Variants in AUTS2 observed in about 807,000 individuals in gnomAD.
AUTS2 encodes activator of transcription and developmental regulator AUTS2.
AUTS2 carries 17 observed loss-of-function variants against 112.4 expected under a neutral mutation model. The ratio of observed to expected loss-of-function variants is 0.15; its 90% CI spans 0.10 to 0.23. AUTS2 has a LOEUF of 0.23. Ranked by LOEUF, AUTS2 falls within the 10% of genes least tolerant of loss-of-function variation. AUTS2 has a pLI of 1.00. For missense variants in AUTS2, 1,510 were observed against 1,701.6 expected, an observed-to-expected ratio of 0.89 and a Z score of 1.98; for synonymous variants, 751 against 702.7, an observed-to-expected ratio of 1.07 and a Z score of -1.09.
chr7:70,010,185 G>T (rs929459804), intron 2 of AUTS2, among the ~76,000 whole-genome samples: 9 of 151,816 alleles, frequency 5.9e-5, no homozygotes, highest in Admixed American at 2.0e-4. Context: ...TCATTCTGTT[G>T]CCCAAACTGG....
chr7:70,431,623 A>G (rs1165978447), intron 4 of AUTS2, among the ~76,000 whole-genome samples: 1 of 152,106 alleles, frequency 6.6e-6, no homozygotes, highest in Non-Finnish European at 1.5e-5. Context: ...TGACCTCATG[A>G]TCCACCCGCC....
chr7:70,236,773 T>C (rs1420060111), intron 4 of AUTS2, among the ~76,000 whole-genome samples: 1 of 152,222 alleles, frequency 6.6e-6, no homozygotes, highest in Non-Finnish European at 1.5e-5. Context: ...TTATTTTCTC[T>C]GTCCAGTACA....
At chr7:70,621,539 A>T (rs557676930) in intron 5 of AUTS2, among the ~76,000 whole-genome samples, 218 of 152,308 alleles carry the variant, frequency 1.4e-3, no homozygotes, top group African/African-American at 5.1e-3. Context: ...AGTCACAGAC[A>T]TTTTAGTTTT....
intron 4 of AUTS2, among the ~76,000 whole-genome samples, chr7:70,320,047 C>G (rs1464552408): frequency 7.2e-5 from 11 of 152,204 alleles, no homozygotes; most frequent in Admixed American, 7.2e-4. Context: ...ATTATTCAAC[C>G]TCTACATTGC....
At chr7:70,349,774 A>G (rs1178219056) in intron 4 of AUTS2, among the ~76,000 whole-genome samples, 1 of 152,198 alleles carries the variant, frequency 6.6e-6, no homozygotes, top group African/African-American at 2.4e-5. Flanking sequence ...GAATTTAAGA[A>G]AGAGTTGATT....
chr7:70,666,480 G>C (rs1180896566), intron 5 of AUTS2, among the ~76,000 whole-genome samples: 1 of 152,166 alleles, frequency 6.6e-6, no homozygotes, highest in Admixed American at 6.5e-5. Flanking sequence ...GGAAGAAGGC[G>C]ACAGTTGGCA....
At chr7:69,736,381 C>T (rs1787033133) in intron 1 of AUTS2, among the ~76,000 whole-genome samples, 1 of 152,152 alleles carries the variant, frequency 6.6e-6, no homozygotes, top group South Asian at 2.1e-4. Context: ...TGGGTATTTC[C>T]TGTGATTTTC....
chr7:70,750,463 GGTGTTCCTCCC>G (rs1788743974), intron 6 of AUTS2, among the ~76,000 whole-genome samples: 2 of 80,132 alleles, frequency 2.5e-5, no homozygotes, highest in African/African-American at 2.2e-4. Context: ...CCCAGGCTCA[GGTGTTCCTCCC>G]ACCTCACCCT....
intron 1 of AUTS2, among the ~76,000 whole-genome samples, chr7:69,722,578 C>T (rs926354527): frequency 3.9e-5 from 6 of 152,052 alleles, no homozygotes; most frequent in Admixed American, 1.3e-4. Flanking sequence ...TCGAGTGATC[C>T]GCCTGCCTTG....
At chr7:70,545,354 T>G (rs1273810074) in intron 5 of AUTS2, among the ~76,000 whole-genome samples, 3 of 152,228 alleles carry the variant, frequency 2.0e-5, no homozygotes, top group African/African-American at 7.2e-5. Context: ...GGGTTCCATC[T>G]CTTCGGAGAG....
chr7:70,125,623 T>C (rs375203170), intron 3 of AUTS2, among the ~76,000 whole-genome samples: 1 of 152,064 alleles, frequency 6.6e-6, no homozygotes, highest in Non-Finnish European at 1.5e-5. Context: ...TGCCTTGGAG[T>C]TCCAGCTGTC....
At chr7:69,869,911 T>C (rs1250024432) in intron 1 of AUTS2, among the ~76,000 whole-genome samples, 2 of 152,180 alleles carry the variant, frequency 1.3e-5, no homozygotes, top group Admixed American at 6.6e-5. Context: ...TTTGATGGCA[T>C]GGGAACTGTA....
intron 4 of AUTS2, among the ~76,000 whole-genome samples, chr7:70,166,424 A>G (rs1368438726): frequency 2.0e-5 from 3 of 152,250 alleles, no homozygotes; most frequent in Non-Finnish European, 4.4e-5. Flanking sequence ...ATGTTAAAAT[A>G]AAATTTTGGC....
chr7:70,134,086 A>T (rs775697389), intron 3 of AUTS2, among the ~76,000 whole-genome samples: 4 of 152,084 alleles, frequency 2.6e-5, no homozygotes, highest in Admixed American at 6.6e-5. Context: ...ATCCAAACCC[A>T]CTGGGCTTTT....
chr7:70,731,472 C>T (rs1273135862), intron 6 of AUTS2, among the ~76,000 whole-genome samples: 1 of 126,500 alleles, frequency 7.9e-6, no homozygotes, highest in Admixed American at 1.0e-4. Flanking sequence ...CTCTGTTGCC[C>T]AGGCTGGAGT....
intron 5 of AUTS2, among the ~76,000 whole-genome samples, chr7:70,584,429 A>C (rs777008769): frequency 6.6e-5 from 10 of 152,350 alleles, no homozygotes; most frequent in Admixed American, 3.9e-4. Flanking sequence ...CTAGGGTTTC[A>C]TTCACGCTGT....
chr7:70,600,263 T>TTTTTG (rs558970609), intron 5 of AUTS2, among the ~76,000 whole-genome samples: 272 of 152,248 alleles, frequency 1.8e-3, no homozygotes, highest in Middle Eastern at 6.8e-3. Context: ...GTTTTTAGGT[T>TTTTTG]TTTTGTTTTG....
At chr7:70,674,909 T>C (rs1038040290) in intron 5 of AUTS2, among the ~76,000 whole-genome samples, 2 of 152,206 alleles carry the variant, frequency 1.3e-5, no homozygotes, top group East Asian at 1.9e-4. Context: ...TGTTTTGTTA[T>C]GGAAAATATT....
At chr7:69,686,095 G>A (rs2129173133) in intron 1 of AUTS2, among the ~76,000 whole-genome samples, 1 of 152,270 alleles carries the variant, frequency 6.6e-6, no homozygotes, top group South Asian at 2.1e-4. Flanking sequence ...AGATTGCTGG[G>A]TGTAGGTTAT....
Sources: allele counts gnomAD v4.1 joint callset (sites outside exome capture counted in the v4.1 genomes callset), GRCh38; gene constraint gnomAD v4.1.1; transcripts MANE v1.5; gene names NCBI Gene and HGNC (gene_info 2026-07-23, HGNC 2026-07-21).